Variants in LRRC8B observed in about 807,000 individuals in gnomAD.
LRRC8B encodes the protein leucine rich repeat containing 8 VRAC subunit B.
A neutral mutation model predicts 58.8 loss-of-function variants in LRRC8B; 23 were observed. The observed-to-expected ratio is 0.39, with a 90% CI of 0.28 to 0.55. The LOEUF is 0.55. LRRC8B is among the 20% of genes least tolerant of loss of function. LRRC8B has a pLI of 0.62. For missense variants in LRRC8B, 694 were observed against 936.0 expected (o/e 0.74, Z 3.37); for synonymous variants, 359 against 374.1 (o/e 0.96, Z 0.47).
At chr1:89,577,398 A>G (rs1039100840) in intron 3 of LRRC8B, among the ~76,000 whole-genome samples, 10 of 152,158 alleles carry the variant, frequency 6.6e-5, no homozygotes, top group African/African-American at 2.4e-4. Context: ...ATGACTTCTT[A>G]ATGAGGTTTA....
At position 89,595,677 on chromosome 1, in the gene LRRC8B, C is replaced by G. The variant is rs1254733617; in HGVS notation, c.*2634C>G. On this transcript the variant is annotated 3_prime_UTR_variant, in exon 6 of 6. Transcript: ENST00000330947. Reference sequence around the variant, plus strand: ...CATCTTTTAATTTAAACCTTATACACCAGTGTTTAGGTCGCTTTTGAGACA... The same window carrying G: ...CATCTTTTAATTTAAACCTTATACAGCAGTGTTTAGGTCGCTTTTGAGACA... 1 of 152,046 alleles carries G rather than the reference C, an allele frequency of 6.6e-6. No individual in the cohort carries two copies. The highest frequency in any genetic ancestry group is 6.6e-5 in the Admixed American group (1 of 15,258). 9.4% of individuals were successfully genotyped at this position (152,046 alleles called of 1,614,324 possible). A position where few individuals can be genotyped will look rare whatever the true frequency, so the allele number is the denominator to read the frequency against.
chr1:89,556,632 T>TA (rs1209907976), intron 1 of LRRC8B, among the ~76,000 whole-genome samples: 3 of 152,178 alleles, frequency 2.0e-5, no homozygotes, highest in Admixed American at 6.5e-5. Context: ...CAGGGAGTGA[T>TA]ATCAGAAAAA....
chr1:89,578,531 C>T (rs1377304787), intron 3 of LRRC8B, among the ~76,000 whole-genome samples: 2 of 152,138 alleles, frequency 1.3e-5, no homozygotes, highest in Admixed American at 1.3e-4. Context: ...CAATTTGATG[C>T]TGGATGGTGA....
Position 89,584,040 on chromosome 1 carries a change from A to G in LRRC8B, c.1390A>G (p.Asn464Asp), listed in dbSNP as rs376715317. ...KLPSAVSQLV[N>D]LKELRVYHSS... Reference sequence around the variant, plus strand: ...GCCCTCTGCAGTCTCACAGCTGGTCAACCTCAAGGAGCTTCGTGTGTACCA... The same window carrying G: ...GCCCTCTGCAGTCTCACAGCTGGTCGACCTCAAGGAGCTTCGTGTGTACCA... Residue 464 changes from asparagine (N) to aspartate (D), a missense_variant, in exon 5 of 6, where the codon AAC (asparagine) becomes GAC (aspartate). Coordinates refer to ENST00000330947, the MANE Select transcript of LRRC8B (RefSeq NM_001369817.2). The G allele has an allele frequency of 1.1e-5, 18 of 1,614,044 alleles. No homozygotes were observed. The highest frequency in any genetic ancestry group is 1.4e-5 in the Non-Finnish European group (17 of 1,180,030).
chr1:89,542,264 C>T (rs1395981207), intron 1 of LRRC8B, among the ~76,000 whole-genome samples: 4 of 152,224 alleles, frequency 2.6e-5, no homozygotes, highest in South Asian at 2.1e-4. Flanking sequence ...CACAGTGGCT[C>T]AGTCTCCTAT....
At chr1:89,552,067 A>G (rs774029094) in intron 1 of LRRC8B, among the ~76,000 whole-genome samples, 2 of 152,130 alleles carry the variant, frequency 1.3e-5, no homozygotes, top group Non-Finnish European at 2.9e-5. Flanking sequence ...GAGTAGCACT[A>G]ATATTCAGAT....
At chr1:89,548,500 G>A (rs1476026337) in intron 1 of LRRC8B, among the ~76,000 whole-genome samples, 1 of 152,164 alleles carries the variant, frequency 6.6e-6, no homozygotes, top group Non-Finnish European at 1.5e-5. Flanking sequence ...AGTCTATTCT[G>A]TCTTATAATA....
At chr1:89,535,977 C>T (rs112424694) in intron 1 of LRRC8B, among the ~76,000 whole-genome samples, 40 of 152,082 alleles carry the variant, frequency 2.6e-4, no homozygotes, top group African/African-American at 8.9e-4. Flanking sequence ...TTACTGAGTT[C>T]GGAGCCTTTC....
intron 1 of LRRC8B, among the ~76,000 whole-genome samples, chr1:89,559,611 A>AT (rs1164970597): frequency 3.1e-4 from 32 of 102,940 alleles, no homozygotes; most frequent in African/African-American, 6.9e-4. Flanking sequence ...CTCAAAAAAA[A>AT]AAAAATATAT....
chr1:89,583,147 C>T lies in LRRC8B; in HGVS notation c.497C>T (p.Thr166Ile). ...LHKCFDSPWTTRALSETVAEQ... is the reference protein window; with the variant it reads ...LHKCFDSPWTIRALSETVAEQ... ...AAGTGCTTCGATTCTCCATGGACCA[C>T]CCGCGCCCTTTCAGAAACAGTGGCT... is the stretch of plus-strand genomic sequence containing the variant. The change falls in exon 5 of 6, where the codon ACC becomes ATC. Residue 166 changes from threonine to isoleucine, a missense_variant. This residue lies in a region of LRRC8B where 316 missense variants were observed against 403.8 expected (regional missense o/e 0.78). Coordinates refer to ENST00000330947, the MANE Select transcript of LRRC8B (RefSeq NM_001369817.2). This position sits in a 1 kb window ranked among gnomAD's most constrained non-coding sequence, Gnocchi z 5.2. The T allele has an allele frequency of 6.2e-7, 1 of 1,614,196 alleles. No homozygotes were observed. The highest frequency in any genetic ancestry group is 8.5e-7 in the Non-Finnish European group (1 of 1,180,038).
intron 1 of LRRC8B, among the ~76,000 whole-genome samples, chr1:89,528,784 C>T (rs1367333779): frequency 1.3e-5 from 2 of 152,100 alleles, no homozygotes; most frequent in African/African-American, 4.8e-5. Context: ...GAGCTTCAGC[C>T]ATCACCCCCA....
Position 89,592,770 on chromosome 1 carries a change from G to A in LRRC8B, c.2140-1G>A. The A allele has an allele frequency of 6.2e-7, 1 of 1,611,038 alleles. No individual in the cohort carries two copies. The highest frequency in any genetic ancestry group is 8.5e-7 in the Non-Finnish European group (1 of 1,178,876). On this transcript the variant is annotated splice_acceptor_variant, in intron 5 of 5. Coordinates refer to ENST00000330947, the MANE Select transcript of LRRC8B (RefSeq NM_001369817.2). LOFTEE classifies it high-confidence loss of function. ...CAGCTTCTTTTTTCTTCCCTTTCCA[G>A]ATTGAGATGCTACCAGATGGGCTGT...
rs1338626519 is a variant in LRRC8B at position 89,568,434 on chromosome 1, C to T, written c.-179-5C>T. 5.9e-5 allele frequency: 9 copies of T among 152,010 alleles called. No homozygotes were observed. Among genetic ancestry groups the T allele is most frequent in the Non-Finnish European group, 1.3e-4 (9 of 67,968 alleles). The allele number at this position is 152,010 out of a possible 1,614,324, so 9.4% of individuals were successfully genotyped here. A position where few individuals can be genotyped will look rare whatever the true frequency, so the allele number is the denominator to read the frequency against. On this transcript the variant is annotated splice_polypyrimidine_tract_variant and splice_region_variant and intron_variant, in intron 2 of 5. Coordinates refer to ENST00000330947, the MANE Select transcript of LRRC8B (RefSeq NM_001369817.2). ...TATAATAATATGCTTGTGATTTCTC[C>T]TTAGGAATTTTTCAAATTGAGACTA... is the stretch of plus-strand genomic sequence containing the variant.
At chr1:89,570,929 A>G (rs902204318) in intron 3 of LRRC8B, among the ~76,000 whole-genome samples, 37 of 152,324 alleles carry the variant, frequency 2.4e-4, no homozygotes, top group Non-Finnish European at 4.4e-5. Context: ...AATCTTCTGT[A>G]TATGGCTAGC....
intron 1 of LRRC8B, among the ~76,000 whole-genome samples, chr1:89,548,135 T>A (rs1367404995): frequency 6.6e-6 from 1 of 152,254 alleles, no homozygotes; most frequent in Admixed American, 6.5e-5. Context: ...CTCGCTTAGA[T>A]TATATATTGA....
chr1:89,580,471 A>G (rs1236873868), intron 4 of LRRC8B, among the ~76,000 whole-genome samples: 1 of 152,180 alleles, frequency 6.6e-6, no homozygotes, highest in African/African-American at 2.4e-5. Flanking sequence ...TGTTTTTCAC[A>G]TGTTCTTTCT....
At chr1:89,536,723 A>G (rs547539961) in intron 1 of LRRC8B, among the ~76,000 whole-genome samples, 1 of 152,330 alleles carries the variant, frequency 6.6e-6, no homozygotes, top group Non-Finnish European at 1.5e-5. Flanking sequence ...GTAGTATACA[A>G]TCAGGGACAG....
In LRRC8B at chr1:89,594,940, T is replaced by G. The variant is rs1251918150; in HGVS notation, c.*1897T>G. On this transcript the variant is annotated 3_prime_UTR_variant, in exon 6 of 6. Coordinates refer to ENST00000330947, the MANE Select transcript of LRRC8B (RefSeq NM_001369817.2). ...GTGCGTGGTATGTGTTTTCTCTTGC[T>G]TTGTTCCAGAAAGATGAAAGTGAGT... The G allele has an allele frequency of 6.6e-6, 1 of 152,172 alleles. No homozygotes were observed. Among genetic ancestry groups the G allele is most frequent in the Admixed American group, 6.5e-5 (1 of 15,272 alleles). 9.4% of individuals were successfully genotyped at this position (152,172 alleles called of 1,614,324 possible). A position where few individuals can be genotyped will look rare whatever the true frequency, so the allele number is the denominator to read the frequency against.
At chr1:89,548,438 A>C (rs1283424547) in intron 1 of LRRC8B, among the ~76,000 whole-genome samples, 1 of 152,230 alleles carries the variant, frequency 6.6e-6, no homozygotes, top group African/African-American at 2.4e-5. Context: ...GGAAATTATT[A>C]GGTTTTATAA....
Sources: gnomAD v4.1 joint callset for allele counts (sites outside exome capture counted in the v4.1 genomes callset) on GRCh38, gnomAD v4.1.1 for gene constraint, gnomAD v4.1.1 regional missense constraint, Gnocchi (gnomAD v3.1) non-coding constraint, MANE v1.5 for transcripts, NCBI Gene and HGNC (gene_info 2026-07-23, HGNC 2026-07-21) for gene names.